The following DDX5 variants were observed in gnomAD, a reference collection of about 807,000 sequenced individuals.
DDX5 encodes probable ATP-dependent RNA helicase DDX5.
Under a neutral mutation model 68.6 loss-of-function variants are expected in DDX5, and 6 were observed. The ratio of observed to expected loss-of-function variants is 0.09; its 90% CI spans 0.05 to 0.17. The LOEUF (loss-of-function observed/expected upper bound fraction) is 0.17. Among genes scored for constraint, DDX5 ranks in the 10% least tolerant of loss-of-function variants. The pLI is 1.00. For missense variants in DDX5, 499 were observed against 756.1 expected, an observed-to-expected ratio of 0.66 and a Z score of 3.99; for synonymous variants, 350 against 247.0, an observed-to-expected ratio of 1.42 and a Z score of -3.91.
rs2038396387 is a variant in DDX5 at position 64,504,965 on chromosome 17, C to A, written c.45-123G>T. 3 of 820,670 alleles carry A rather than the reference C, an allele frequency of 3.7e-6. No homozygotes were observed. The East Asian group carries it at 8.5e-5, about 23-fold the overall frequency. The allele number at this position is 820,670 out of a possible 1,614,324, so 50.8% of individuals were successfully genotyped here. On this transcript the variant is annotated intron_variant, in intron 1 of 12. Coordinates refer to ENST00000225792, the MANE Select transcript of DDX5 (RefSeq NM_004396.5). ...AACAGACTTCGAGAGGTAAACCTAGCACTGTCCTTCGTGAAAATCTCTCTC... is the reference window on the plus strand; with the variant it reads ...AACAGACTTCGAGAGGTAAACCTAGAACTGTCCTTCGTGAAAATCTCTCTC...
chr17:64,504,175 G>T, intron 3 of DDX5, 47 bp downstream of exon 3: 1 of 1,611,960 alleles, frequency 6.2e-7, no homozygotes, highest in Non-Finnish European at 8.5e-7. Context: ...AGAGGGGGTA[G>T]GTGGAAACAA....
At chr17:64,501,950 T>C in intron 11 of DDX5, 60 bp downstream of exon 11, 1 of 1,549,344 alleles carries the variant, frequency 6.5e-7, no homozygotes, top group South Asian at 1.2e-5. Context: ...AAACTTTCTT[T>C]AAAAAAGTTA....
chr17:64,504,141 T>TA, intron 3 of DDX5, 25 bp from the exon 4 acceptor site: 1 of 1,613,696 alleles, frequency 6.2e-7, no homozygotes, highest in Non-Finnish European at 8.5e-7. Flanking sequence ...AGATATTTAG[T>TA]AAAAATTAGT....
intron 1 of DDX5, 100 bp from the exon 2 acceptor site, chr17:64,504,942 C>T (rs2038395291): frequency 5.0e-6 from 6 of 1,192,004 alleles, no homozygotes; most frequent in South Asian, 1.6e-5. Flanking sequence ...CCACTGAAAA[C>T]AGACTTCGAG....
intron 1 of DDX5, chr17:64,505,343 G>C (rs1227094920): frequency 5.0e-6 from 2 of 403,522 alleles, no homozygotes; most frequent in South Asian, 3.0e-5. Flanking sequence ...ACTTCTGCTA[G>C]CAAACCCAGC....
At chr17:64,501,957 G>A in intron 11 of DDX5, 53 bp downstream of exon 11, 1 of 1,565,454 alleles carries the variant, frequency 6.4e-7, no homozygotes, top group Non-Finnish European at 8.7e-7. Flanking sequence ...CTTTAAAAAA[G>A]TTAAATGGAG....
At chr17:64,504,511 TC>T in intron 2 of DDX5, 165 bp downstream of exon 2, 2 of 1,009,922 alleles carry the variant, frequency 2.0e-6, no homozygotes, top group Non-Finnish European at 2.9e-6. Flanking sequence ...TAAGTAAAAA[TC>T]CCAAAGCCAC....
rs372515795 is a variant in DDX5, at chr17:64,503,293, T to C, written c.705A>G (p.Gly235=). ...AGGTTGTTCTTCTCAGATTGGTTTT[T>C]CCACACTCTAAAAAGTCAATCAGTC... is the stretch of plus-strand genomic sequence containing the variant. The part of the protein sequence containing the change: ...PGRLIDFLEC[G]KTNLRRTTYL... The change falls in exon 7 of 13, where the codon GGA becomes GGG. Residue 235 remains glycine, a synonymous_variant. Transcript: ENST00000225792. 6.2e-7 allele frequency: 1 copy of C among 1,614,232 alleles called. No individual in the cohort carries two copies. The highest frequency in any genetic ancestry group is 1.7e-5 in the Admixed American group (1 of 60,024).
In DDX5 at chr17:64,503,104, G is replaced by T. The variant is rs1242954778; in HGVS notation, c.811-6C>A. 3.7e-6 allele frequency: 6 copies of T among 1,611,726 alleles called. No homozygotes were observed. In the East Asian group the frequency reaches 1.3e-4, roughly 36 times the overall value. ...ATTAGAGTTTGCCTATCAGGCTAAT[G>T]GATTTTGGGGGGAAAAATTAGTATC... On this transcript the variant is annotated splice_region_variant and splice_polypyrimidine_tract_variant and intron_variant, in intron 7 of 12. Transcript: ENST00000225792.
chr17:64,505,681 G>A (rs1373150587), intron 1 of DDX5: 8 of 1,484,082 alleles, frequency 5.4e-6, no homozygotes, highest in African/African-American at 1.4e-5. Flanking sequence ...CAGGGCTTTG[G>A]AAGTGGTCCC....
At chr17:64,506,748 A>C (rs2038549662), upstream of DDX5, 1 of 461,580 alleles carries the variant, frequency 2.2e-6, no homozygotes, top group South Asian at 2.4e-5. Context: ...AAAACGAAAT[A>C]GCTCACCGGA....
At chr17:64,500,987 C>G in intron 11 of DDX5, 3 of 579,502 alleles carry the variant, frequency 5.2e-6, no homozygotes, top group Non-Finnish European at 9.2e-6. Context: ...CATCACCCAC[C>G]CAGTGACAGA....
intron 1 of DDX5, chr17:64,505,135 T>C (rs995467800): frequency 5.9e-4 from 193 of 328,986 alleles, no homozygotes; most frequent in African/African-American, 4.0e-3. Context: ...TTTGGGATTC[T>C]GGCACACACC....
At chr17:64,500,895 C>T (rs1451165815) in intron 11 of DDX5, 122 bp from the exon 12 acceptor site, 2 of 694,862 alleles carry the variant, frequency 2.9e-6, no homozygotes, top group Non-Finnish European at 4.9e-6. Flanking sequence ...GCAAAAAATA[C>T]AGTTAAAATG....
rs1248655170 is a variant in DDX5, at chr17:64,499,344, A to C, written c.*579T>G. ...TAGCAAATAAGGAAAAAGGCTATTAAATGACTCCCCTGATGCTGGAAGCTG... is the reference window on the plus strand; with the variant it reads ...TAGCAAATAAGGAAAAAGGCTATTACATGACTCCCCTGATGCTGGAAGCTG... On this transcript the variant is annotated 3_prime_UTR_variant, in exon 13 of 13. Coordinates refer to ENST00000225792, the MANE Select transcript of DDX5 (RefSeq NM_004396.5). Among the ~76,000 whole-genome samples, 12 of 152,162 alleles carry C rather than the reference A, an allele frequency of 7.9e-5. No homozygotes were observed. The highest frequency in any genetic ancestry group is 2.9e-4 in the African/African-American group (12 of 41,426).
At chr17:64,503,706 C>G (rs2038354334) in intron 5 of DDX5, 97 bp downstream of exon 5, 4 of 1,530,266 alleles carry the variant, frequency 2.6e-6, no homozygotes, top group Non-Finnish European at 2.7e-6. Context: ...GTGAGCTAAC[C>G]TCTATATAAA....
chr17:64,504,491 C>A, intron 2 of DDX5, 173 bp from the exon 3 acceptor site: 1 of 922,582 alleles, frequency 1.1e-6, no homozygotes, highest in Non-Finnish European at 1.6e-6. Context: ...TTGTTATACT[C>A]AACCTAATTT....
intron 8 of DDX5, 69 bp downstream of exon 8, chr17:64,502,855 CCA>C: frequency 7.0e-7 from 1 of 1,428,920 alleles, no homozygotes; most frequent in Non-Finnish European, 9.4e-7. Context: ...AAACAACTCA[CCA>C]AACAATGATC....
At chr17:64,501,016 G>A in intron 11 of DDX5, 11 of 554,300 alleles carry the variant, frequency 2.0e-5, no homozygotes, top group Non-Finnish European at 3.5e-5. Context: ...AAAGGAATGT[G>A]TGTTCCCTAA....
Sources: allele counts gnomAD v4.1 joint callset (sites outside exome capture counted in the v4.1 genomes callset), GRCh38; gene constraint gnomAD v4.1.1; transcripts MANE v1.5; gene names NCBI Gene and HGNC (gene_info 2026-07-23, HGNC 2026-07-21).